Variants in LAMA2 observed in about 807,000 individuals in gnomAD.
The protein encoded by LAMA2 is laminin subunit alpha-2.
LAMA2 carries 269 observed loss-of-function variants against 364.8 expected under a neutral mutation model. The observed-to-expected ratio is 0.74, with a 90% CI of 0.67 to 0.82. The LOEUF (loss-of-function observed/expected upper bound fraction) is 0.82, where lower values mean the gene tolerates loss of function less well. LAMA2 is among the 40% of genes least tolerant of loss of function. The pLI, the probability that LAMA2 is intolerant of heterozygous loss-of-function variation, is 0.00. For missense variants in LAMA2, 3,807 were observed against 3,873.2 expected (o/e 0.98, Z 0.45); for synonymous variants, 1,379 against 1,370.6 (o/e 1.01, Z -0.14).
chr6:129,229,898 T>C (rs1215799357), intron 12 of LAMA2, among the ~76,000 whole-genome samples: 2 of 152,182 alleles, frequency 1.3e-5, no homozygotes, highest in East Asian at 3.8e-4. Flanking sequence ...CTTAGCTAAT[T>C]ATATAAAGTT....
At chr6:129,222,710 T>C (rs1783948185) in intron 12 of LAMA2, among the ~76,000 whole-genome samples, 2 of 152,106 alleles carry the variant, frequency 1.3e-5, no homozygotes, top group Admixed American at 6.6e-5. Context: ...CCATGGTGTA[T>C]ACATGCCACA....
intron 18 of LAMA2, among the ~76,000 whole-genome samples, chr6:129,282,099 C>A (rs1451386496): frequency 6.6e-6 from 1 of 152,078 alleles, no homozygotes; most frequent in Non-Finnish European, 1.5e-5. Context: ...TAAATAAGAC[C>A]AGAATTTAAA....
At chr6:129,147,501 G>A (rs1481361606) in intron 6 of LAMA2, among the ~76,000 whole-genome samples, 9 of 151,850 alleles carry the variant, frequency 5.9e-5, no homozygotes, top group Non-Finnish European at 1.5e-5. Context: ...CAATAAGGGG[G>A]TGGAGGGGGT....
intron 35 of LAMA2, among the ~76,000 whole-genome samples, chr6:129,385,939 G>A (rs1490011497): frequency 1.3e-5 from 2 of 152,096 alleles, no homozygotes; most frequent in Non-Finnish European, 1.5e-5. Flanking sequence ...GATACTGTAT[G>A]CCTCTTAAGA....
At chr6:129,196,765 A>AT (rs1429114613) in intron 12 of LAMA2, among the ~76,000 whole-genome samples, 2 of 152,310 alleles carry the variant, frequency 1.3e-5, no homozygotes, top group East Asian at 1.9e-4. Flanking sequence ...ACTGTGGTTG[A>AT]TTTTTTATTC....
At chr6:129,212,815 C>T (rs1009590353) in intron 12 of LAMA2, among the ~76,000 whole-genome samples, 1 of 152,132 alleles carries the variant, frequency 6.6e-6, no homozygotes, top group Non-Finnish European at 1.5e-5. Context: ...TCAGCTGTGG[C>T]TTTTAATTTA....
intron 28 of LAMA2, among the ~76,000 whole-genome samples, chr6:129,324,547 G>A (rs1038021708): frequency 2.6e-5 from 4 of 152,120 alleles, no homozygotes; most frequent in East Asian, 1.9e-4. Flanking sequence ...ACAGGGATAC[G>A]TTCTGAGAAA....
intron 22 of LAMA2, among the ~76,000 whole-genome samples, chr6:129,308,136 T>C (rs1773993041): frequency 1.3e-5 from 2 of 152,218 alleles, no homozygotes; most frequent in Admixed American, 6.5e-5. Context: ...AAATAAAAAC[T>C]GGACAGGACA....
intron 1 of LAMA2, among the ~76,000 whole-genome samples, chr6:128,960,343 CT>C (rs35955136): frequency 0.64 from 71,777 of 111,688 alleles, 20,538 homozygotes; most frequent in East Asian, 0.72. Flanking sequence ...TTTTTTTTTC[CT>C]TTTTTTTTTT....
intron 3 of LAMA2, among the ~76,000 whole-genome samples, chr6:129,080,297 C>A (rs554669190): frequency 6.6e-6 from 1 of 152,052 alleles, no homozygotes; most frequent in Non-Finnish European, 1.5e-5. Context: ...CAAAGCCTGC[C>A]GTGTATACTC....
chr6:129,111,210 T>A (rs903447734), intron 4 of LAMA2, among the ~76,000 whole-genome samples: 2 of 151,992 alleles, frequency 1.3e-5, no homozygotes, highest in African/African-American at 4.8e-5. Context: ...GGATGTGTAC[T>A]ATTTTGCAAC....
chr6:129,426,241 T>G (rs1467930096), intron 40 of LAMA2, among the ~76,000 whole-genome samples: 1 of 152,166 alleles, frequency 6.6e-6, no homozygotes, highest in Non-Finnish European at 1.5e-5. Context: ...GTCGGACAGA[T>G]TGTCAGCTGT....
chr6:129,158,661 A>G (rs1779269732), intron 8 of LAMA2: 2 of 1,614,074 alleles, frequency 1.2e-6, no homozygotes, highest in Non-Finnish European at 8.5e-7. Flanking sequence ...GAGCAAAACC[A>G]GCCATCGAAT....
chr6:129,382,385 C>T (rs149067385), intron 34 of LAMA2, among the ~76,000 whole-genome samples: 50 of 152,256 alleles, frequency 3.3e-4, no homozygotes, highest in Admixed American at 9.2e-4. Flanking sequence ...ACGTTGAATG[C>T]ATTCCAGTGT....
chr6:129,275,089 T>C (rs1159009817), intron 17 of LAMA2, among the ~76,000 whole-genome samples: 1 of 152,004 alleles, frequency 6.6e-6, no homozygotes, highest in African/African-American at 2.4e-5. Context: ...AGAATGAAAC[T>C]CAAATTTGAG....
chr6:129,328,259 TG>T lies in LAMA2; in HGVS notation c.4177-17del. ...GTATTTCTAACTTTGCTGTCCTAAT[TG>T]GCTTCCTTTTCTTTCAGGCATGCTT... On this transcript the variant is annotated intron_variant, in intron 28 of 64. Transcript: ENST00000421865. The T allele has an allele frequency of 1.9e-6, 3 of 1,611,258 alleles. No homozygotes were observed. Among genetic ancestry groups the T allele is most frequent in the Non-Finnish European group, 2.5e-6 (3 of 1,177,488 alleles).
chr6:129,173,594 C>A (rs1451244485), intron 9 of LAMA2, among the ~76,000 whole-genome samples: 1 of 151,988 alleles, frequency 6.6e-6, no homozygotes, highest in East Asian at 1.9e-4. Context: ...GCTTATAATT[C>A]AAAAATAGAA....
intron 1 of LAMA2, among the ~76,000 whole-genome samples, chr6:129,015,883 G>C (rs1246013453): frequency 1.3e-5 from 2 of 151,954 alleles, no homozygotes; most frequent in Non-Finnish European, 2.9e-5. Context: ...TGGAAACCGT[G>C]AGGTACAATA....
chr6:129,112,401 G>T (rs1223207293), intron 4 of LAMA2, among the ~76,000 whole-genome samples: 1 of 151,734 alleles, frequency 6.6e-6, no homozygotes, highest in Non-Finnish European at 1.5e-5. Flanking sequence ...AGCTGTGGAA[G>T]ACCAGCTCAC....
Sources: gnomAD v4.1 joint callset for allele counts (sites outside exome capture counted in the v4.1 genomes callset) on GRCh38, gnomAD v4.1.1 for gene constraint, MANE v1.5 for transcripts, NCBI Gene and HGNC (gene_info 2026-07-23, HGNC 2026-07-21) for gene names.